Variants in KLF15 observed in about 807,000 individuals in gnomAD.
KLF15 encodes KLF transcription factor 15.
A neutral mutation model predicts 24.6 loss-of-function variants in KLF15; 4 were observed. That is an observed-to-expected ratio of 0.16 (90% CI 0.08 to 0.37). KLF15 has a LOEUF of 0.37. Ranked by LOEUF, KLF15 falls within the 10% of genes least tolerant of loss-of-function variation. The probability of loss-of-function intolerance (pLI) is 1.00; values close to 1 mark genes in which losing one functional copy is unlikely to be tolerated. For missense variants in KLF15, 496 were observed against 560.6 expected, an observed-to-expected ratio of 0.88 and a Z score of 1.16; for synonymous variants, 246 against 236.3, an observed-to-expected ratio of 1.04 and a Z score of -0.37.
chr3:126,319,381 C>T, the KLF15 span, among the ~76,000 whole-genome samples: 1 of 152,206 alleles, frequency 6.6e-6, no homozygotes, highest in Non-Finnish European at 1.5e-5. Flanking sequence ...TCCAAGGTAG[C>T]TGTGCCATTT....
chr3:126,302,439 TC>T, the KLF15 span, among the ~76,000 whole-genome samples: 4 of 131,786 alleles, frequency 3.0e-5, no homozygotes, highest in African/African-American at 5.0e-5. Flanking sequence ...TGGCTGATTT[TC>T]TGTTTATTTC....
the KLF15 span, among the ~76,000 whole-genome samples, chr3:126,308,701 G>A: frequency 0.03 from 4,544 of 152,272 alleles, 167 homozygotes; most frequent in African/African-American, 0.082. Context: ...AGACTCCTAC[G>A]TGGAAAGAAG....
At chr3:126,345,832 T>C (rs983295592) in intron 2 of KLF15, among the ~76,000 whole-genome samples, 3 of 152,194 alleles carry the variant, frequency 2.0e-5, no homozygotes, top group Non-Finnish European at 4.4e-5. Context: ...GAACTCCGAC[T>C]CACATCACAG....
At chr3:126,339,103 G>A (rs1382573902), downstream of KLF15, among the ~76,000 whole-genome samples, 1 of 152,194 alleles carries the variant, frequency 6.6e-6, no homozygotes, top group Non-Finnish European at 1.5e-5. Flanking sequence ...CTCATCTCCA[G>A]GTCCAGACCT....
chr3:126,296,296 C>T, the KLF15 span, among the ~76,000 whole-genome samples: 97 of 152,296 alleles, frequency 6.4e-4, no homozygotes, highest in African/African-American at 2.3e-3. Context: ...CAAGCTCCAC[C>T]TCCCAGGTTC....
the KLF15 span, among the ~76,000 whole-genome samples, chr3:126,298,429 T>TATC: frequency 0.065 from 9,819 of 151,284 alleles, 969 homozygotes; most frequent in African/African-American, 0.21. Context: ...TGATTATTAT[T>TATC]ATTATTATTA....
chr3:126,296,956 T>C, the KLF15 span, among the ~76,000 whole-genome samples: 1 of 152,226 alleles, frequency 6.6e-6, no homozygotes, highest in Non-Finnish European at 1.5e-5. Flanking sequence ...GTTTTGTTTT[T>C]TAGATGCAGG....
At chr3:126,318,266 G>A in the KLF15 span, among the ~76,000 whole-genome samples, 10 of 152,132 alleles carry the variant, frequency 6.6e-5, no homozygotes, top group Admixed American at 6.5e-4. Flanking sequence ...CAAAATATGA[G>A]GGAGGAAAAT....
In KLF15 at chr3:126,352,758, G is replaced by A. The variant is rs201562668; in HGVS notation, c.165C>T (p.Pro55=). The A allele has an allele frequency of 4.0e-5, 63 of 1,572,946 alleles. No homozygotes were observed. Among genetic ancestry groups the A allele is most frequent in the Middle Eastern group, 1.7e-4 (1 of 6,018 alleles). Residue 55 remains proline (P), a synonymous_variant, in exon 2 of 3, where the codon CCC becomes CCT. Transcript: ENST00000296233. ...AGCAGGAGCAGAGGGCTTGAGAGTC[G>A]GGACTGGAACAGGAGCAGGGGCTGG... is the stretch of plus-strand genomic sequence containing the variant. ...DASSPCSCSS[P]DSQALCSCYG...
chr3:126,316,439 T>TGGGGAAGGGATACTATGGGCCG, the KLF15 span, among the ~76,000 whole-genome samples: 5 of 118,612 alleles, frequency 4.2e-5, no homozygotes, highest in African/African-American at 6.7e-5. Context: ...TGCATGGGCC[T>TGGGGAAGGGATACTATGGGCCG]GAGTGGGGAA....
the KLF15 span, among the ~76,000 whole-genome samples, chr3:126,289,797 C>G: frequency 2.6e-5 from 4 of 152,148 alleles, no homozygotes; most frequent in Admixed American, 6.5e-5. Context: ...CTGAGACAAG[C>G]CTCGATCAAC....
At chr3:126,297,612 C>T in the KLF15 span, among the ~76,000 whole-genome samples, 2 of 152,166 alleles carry the variant, frequency 1.3e-5, no homozygotes, top group African/African-American at 2.4e-5. Flanking sequence ...CACCTCTCCC[C>T]ACACGTCCCC....
chr3:126,321,074 T>C, the KLF15 span, among the ~76,000 whole-genome samples: 3 of 152,022 alleles, frequency 2.0e-5, no homozygotes, highest in East Asian at 5.8e-4. Flanking sequence ...AGGAAGGGTA[T>C]CAGCTGGTGG....
chr3:126,344,905 C>G (rs775007053), intron 2 of KLF15, among the ~76,000 whole-genome samples: 2 of 152,198 alleles, frequency 1.3e-5, no homozygotes, highest in Non-Finnish European at 1.5e-5. Context: ...CAAGCTGCAT[C>G]GAGGGCCTGG....
At chr3:126,344,994 C>T (rs1047076239) in intron 2 of KLF15, among the ~76,000 whole-genome samples, 3 of 152,152 alleles carry the variant, frequency 2.0e-5, no homozygotes, top group African/African-American at 4.8e-5. Context: ...CCCCACCTAC[C>T]CCTCCCACGA....
the KLF15 span, among the ~76,000 whole-genome samples, chr3:126,337,291 T>C: frequency 6.2e-4 from 85 of 136,818 alleles, 2 homozygotes; most frequent in African/African-American, 2.3e-3. Context: ...ATGGATGAAA[T>C]TGGAAATCAT....
rs2082631195 is a variant in KLF15, at chr3:126,356,182, C to G, written c.-26+1055G>C. 6.6e-6 allele frequency among the ~76,000 whole-genome samples: 1 copy of G among 152,140 alleles called. No individual in the cohort carries two copies. The highest frequency in any genetic ancestry group is 1.5e-5 in the Non-Finnish European group (1 of 68,010). On this transcript the variant is annotated intron_variant, in intron 1 of 2. Transcript: ENST00000296233. This position sits in a 1 kb window ranked among gnomAD's most constrained non-coding sequence, Gnocchi z 4.4. ...GGGGGTGGCGGCGGGGGCTGTCCTT[C>G]AAAATAAGAGTCTCCGGTCCCTGAG...
chr3:126,301,664 G>A, the KLF15 span, among the ~76,000 whole-genome samples: 1 of 147,694 alleles, frequency 6.8e-6, no homozygotes, highest in Non-Finnish European at 1.5e-5. Flanking sequence ...GCCCAGGCTG[G>A]AGTGCAATGG....
the KLF15 span, among the ~76,000 whole-genome samples, chr3:126,312,604 A>G: frequency 6.6e-6 from 1 of 152,132 alleles, no homozygotes; most frequent in African/African-American, 2.4e-5. Flanking sequence ...TTCCCATCTA[A>G]CACAAGAACC....
Sources: allele counts gnomAD v4.1 joint callset (sites outside exome capture counted in the v4.1 genomes callset), GRCh38; gene constraint gnomAD v4.1.1; non-coding constraint Gnocchi (gnomAD v3.1); transcripts MANE v1.5; gene names NCBI Gene and HGNC (gene_info 2026-07-23, HGNC 2026-07-21).